Variants in PHF21A observed in about 807,000 individuals in gnomAD.
The protein encoded by PHF21A is BHC80a.
PHF21A carries 11 observed loss-of-function variants against 82.5 expected under a neutral mutation model. The ratio of observed to expected loss-of-function variants is 0.13; its 90% CI spans 0.08 to 0.22. The LOEUF (loss-of-function observed/expected upper bound fraction) is 0.22. Ranked by LOEUF, PHF21A falls within the 10% of genes least tolerant of loss-of-function variation. PHF21A has a pLI of 1.00. For synonymous variants in PHF21A, 297 were observed against 302.8 expected (o/e 0.98, Z 0.20); for missense variants, 579 against 837.8 (o/e 0.69, Z 3.81).
intron 10 of PHF21A, among the ~76,000 whole-genome samples, chr11:45,961,845 T>C (rs1432268938): frequency 6.6e-6 from 1 of 152,240 alleles, no homozygotes; most frequent in African/African-American, 2.4e-5. Flanking sequence ...TCTGGCTTCA[T>C]CTACTTTTCT....
chr11:46,009,638 A>C (rs1353074784), intron 6 of PHF21A, among the ~76,000 whole-genome samples: 1 of 152,234 alleles, frequency 6.6e-6, no homozygotes, highest in Non-Finnish European at 1.5e-5. Context: ...GGAGAAACTA[A>C]AGCACAGAAA....
At chr11:45,936,012 TC>T in intron 17 of PHF21A, among the ~76,000 whole-genome samples, 1 of 152,298 alleles carries the variant, frequency 6.6e-6, no homozygotes, top group Middle Eastern at 3.4e-3. Flanking sequence ...GCATGATGGC[TC>T]ATGCCTGTAC....
At chr11:46,038,777 C>T (rs572850666) in intron 6 of PHF21A, among the ~76,000 whole-genome samples, 136 of 152,186 alleles carry the variant, frequency 8.9e-4, no homozygotes, top group Middle Eastern at 6.8e-3. Flanking sequence ...ACCACTAGTT[C>T]CACTCCCATG....
At chr11:46,015,533 C>T (rs920918838) in intron 6 of PHF21A, among the ~76,000 whole-genome samples, 20 of 151,790 alleles carry the variant, frequency 1.3e-4, no homozygotes, top group Admixed American at 1.3e-3. Context: ...AATTTTTTTG[C>T]TTTATAAAGT....
intron 6 of PHF21A, among the ~76,000 whole-genome samples, chr11:45,984,742 C>T (rs1367013918): frequency 6.6e-6 from 1 of 152,184 alleles, no homozygotes; most frequent in Non-Finnish European, 1.5e-5. Flanking sequence ...TCAAAAGAAA[C>T]TCCAAGACCC....
intron 1 of PHF21A, among the ~76,000 whole-genome samples, chr11:46,116,184 T>A (rs981684110): frequency 1.3e-5 from 2 of 152,218 alleles, no homozygotes; most frequent in African/African-American, 4.8e-5. Flanking sequence ...TTTTGGGTTA[T>A]TTTTACACAA....
In PHF21A at chr11:45,948,868, A is replaced by T; in HGVS notation, c.1288+18T>A. On this transcript the variant is annotated intron_variant, in intron 14 of 18. Coordinates refer to ENST00000676320, the MANE Select transcript of PHF21A (RefSeq NM_001352027.3). ...CAAAAGCAACAGCAGCAAGGGAGAG[A>T]TACAAAAAGGTCCTCACCTCTCTTC... 1 of 1,600,536 alleles carries T rather than the reference A, an allele frequency of 6.2e-7. No homozygotes were observed. Among genetic ancestry groups the T allele is most frequent in the Non-Finnish European group, 8.6e-7 (1 of 1,167,516 alleles).
intron 1 of PHF21A, among the ~76,000 whole-genome samples, chr11:46,113,555 C>T (rs1445467043): frequency 1.3e-5 from 2 of 152,164 alleles, no homozygotes; most frequent in African/African-American, 2.4e-5. Context: ...TTTGGCCGGG[C>T]GCGGTGGCTC....
intron 6 of PHF21A, among the ~76,000 whole-genome samples, chr11:46,011,657 C>A (rs1419864332): frequency 6.6e-6 from 1 of 152,158 alleles, no homozygotes; most frequent in East Asian, 1.9e-4. Context: ...GGTTTAGGTC[C>A]TTTCTCTTTT....
chr11:46,087,602 CTG>C (rs1262013873), intron 3 of PHF21A, among the ~76,000 whole-genome samples: 1 of 152,222 alleles, frequency 6.6e-6, no homozygotes, highest in Non-Finnish European at 1.5e-5. Context: ...AGAGACTGGT[CTG>C]TGCGGAAAGA....
chr11:46,059,834 C>G (rs2096510724), intron 6 of PHF21A, among the ~76,000 whole-genome samples: 2 of 152,208 alleles, frequency 1.3e-5, no homozygotes, highest in Non-Finnish European at 2.9e-5. Flanking sequence ...TCAAGCAATT[C>G]TCCTGCCTCA....
At chr11:46,055,713 G>GC (rs1383141880) in intron 6 of PHF21A, among the ~76,000 whole-genome samples, 1 of 151,940 alleles carries the variant, frequency 6.6e-6, no homozygotes, top group Non-Finnish European at 1.5e-5. Context: ...TTATATAAAC[G>GC]CCCCAACAAT....
chr11:46,023,682 G>A (rs1001194825), intron 6 of PHF21A, among the ~76,000 whole-genome samples: 6 of 152,196 alleles, frequency 3.9e-5, no homozygotes, highest in Non-Finnish European at 7.3e-5. Context: ...GAGGCCAGGC[G>A]CAGTGGCTCA....
chr11:46,004,496 T>C (rs1401783120), intron 6 of PHF21A, among the ~76,000 whole-genome samples: 1 of 152,190 alleles, frequency 6.6e-6, no homozygotes, highest in African/African-American at 2.4e-5. Context: ...TATTAAAAGC[T>C]ACTTAAAACA....
chr11:46,069,042 A>T (rs2096626917), intron 6 of PHF21A, among the ~76,000 whole-genome samples: 1 of 152,200 alleles, frequency 6.6e-6, no homozygotes, highest in East Asian at 1.9e-4. Flanking sequence ...CACTCCAAGA[A>T]GACAGGTAAA....
At chr11:46,105,543 A>C (rs2097143836) in intron 1 of PHF21A, among the ~76,000 whole-genome samples, 1 of 152,180 alleles carries the variant, frequency 6.6e-6, no homozygotes, top group Non-Finnish European at 1.5e-5. Context: ...CTTCTATAAA[A>C]TGAATGTCAC....
chr11:46,067,598 CAA>C (rs11448208), intron 6 of PHF21A, among the ~76,000 whole-genome samples: 1 of 145,296 alleles, frequency 6.9e-6, no homozygotes, highest in Non-Finnish European at 1.5e-5. Context: ...CCACCCCCCA[CAA>C]AAAAAAAAAA....
chr11:45,937,532 G>C (rs930269286), intron 16 of PHF21A, among the ~76,000 whole-genome samples: 11 of 152,210 alleles, frequency 7.2e-5, no homozygotes, highest in African/African-American at 2.7e-4. Context: ...CCAGGCTGGA[G>C]TGCAGTGGTG....
chr11:45,976,960 A>G (rs2094056044), intron 7 of PHF21A, among the ~76,000 whole-genome samples: 1 of 152,160 alleles, frequency 6.6e-6, no homozygotes, highest in African/African-American at 2.4e-5. Context: ...AAATAAAACA[A>G]TATTTAAAAA....
Sources: gnomAD v4.1 joint callset for allele counts (sites outside exome capture counted in the v4.1 genomes callset) on GRCh38, gnomAD v4.1.1 for gene constraint, MANE v1.5 for transcripts, NCBI Gene and HGNC (gene_info 2026-07-23, HGNC 2026-07-21) for gene names.